Variants in LEFTY2 observed in about 807,000 individuals in gnomAD.
The protein encoded by LEFTY2 is left-right determination factor 2, also known as TGF-beta-4.
A neutral mutation model predicts 26.4 loss-of-function variants in LEFTY2; 10 were observed. The ratio of observed to expected loss-of-function variants is 0.38; its 90% CI spans 0.23 to 0.64. The LOEUF is 0.64. Among genes scored for constraint, LEFTY2 ranks in the 30% least tolerant of loss-of-function variants. LEFTY2 has a pLI of 0.56. For missense variants in LEFTY2, 407 were observed against 502.1 expected, an observed-to-expected ratio of 0.81 and a Z score of 1.81; for synonymous variants, 204 against 234.1, an observed-to-expected ratio of 0.87 and a Z score of 1.17.
chr1:225,940,932 C>T lies in LEFTY2; in HGVS notation c.209G>A (p.Gly70Glu), dbSNP rs753274618. 11 of 1,613,510 alleles carry T rather than the reference C, an allele frequency of 6.8e-6. No homozygotes were observed. The Admixed American group carries it at 1.7e-4, about 24-fold the overall frequency. Reference protein sequence around the residue: ...QYVVLLRRSHGDRSRGKRFSQ... With the variant: ...QYVVLLRRSHEDRSRGKRFSQ... ...GAACCTCTTTCCGCGGGAGCGGTCCCCGTGGCTGCGCCGCAGCAGGACTAC... is the reference window on the plus strand; with the variant it reads ...GAACCTCTTTCCGCGGGAGCGGTCCTCGTGGCTGCGCCGCAGCAGGACTAC... The change falls in exon 1 of 4, where the codon GGG (glycine) becomes GAG (glutamate). Residue 70 changes from glycine (G) to glutamate (E), a missense_variant. Transcript: ENST00000366820.
intron 1 of LEFTY2, chr1:225,940,249 C>T: frequency 1.6e-6 from 1 of 643,790 alleles, no homozygotes; most frequent in Non-Finnish European, 2.7e-6. Context: ...GAGCAGAATC[C>T]TCACCCAGGT....
Position 225,939,929 on chromosome 1 carries a change from C to T in LEFTY2, c.324G>A (p.Pro108=), listed in dbSNP as rs199979438. 5,451 of 1,586,846 alleles carry T rather than the reference C, an allele frequency of 3.4e-3. 17 individuals are homozygous for T. Among genetic ancestry groups the T allele is most frequent in the Middle Eastern group, 4.3e-3 (19 of 4,418 alleles). Residue 108 remains proline, a synonymous_variant, in exon 2 of 4, where the codon CCG becomes CCA. Coordinates refer to ENST00000366820, the MANE Select transcript of LEFTY2 (RefSeq NM_003240.5). This position sits in a 1 kb window ranked among gnomAD's most constrained non-coding sequence, Gnocchi z 4.1. The part of the protein sequence containing the change: ...LLVFGMEQRL[P]PNSELVQAVL... Reference sequence around the variant, plus strand: ...CGGCCTGCACCAGCTCGCTGTTGGGCGGCAGCCGCTGCTCCATGCCGAACA... The same window carrying T: ...CGGCCTGCACCAGCTCGCTGTTGGGTGGCAGCCGCTGCTCCATGCCGAACA...
At chr1:225,938,356 A>G (rs1338105950) in intron 3 of LEFTY2, among the ~76,000 whole-genome samples, 1 of 152,258 alleles carries the variant, frequency 6.6e-6, no homozygotes, top group Non-Finnish European at 1.5e-5. Flanking sequence ...GGAGAAGGGT[A>G]AAGTGAAAGT....
At chr1:225,937,846 G>A (rs1248622925) in intron 3 of LEFTY2, 42 bp from the exon 4 acceptor site, 20 of 1,593,496 alleles carry the variant, frequency 1.3e-5, no homozygotes, top group East Asian at 4.5e-5. Flanking sequence ...CATCTGGGAG[G>A]CTGAAGTCAG....
Position 225,939,469 on chromosome 1 carries a change from G to A in LEFTY2, c.629C>T (p.Pro210Leu). The A allele has an allele frequency of 6.2e-7, 1 of 1,610,674 alleles. No homozygotes were observed. The highest frequency in any genetic ancestry group is 2.2e-5 in the East Asian group (1 of 44,834). The change falls in exon 3 of 4, where the codon CCG becomes CTG. Residue 210 changes from proline to leucine, a missense_variant. By Grantham distance (98) the Pro-to-Leu change is moderately conservative. Coordinates refer to ENST00000366820, the MANE Select transcript of LEFTY2 (RefSeq NM_003240.5). The surrounding 1 kb of genome is among the most constrained non-coding windows in gnomAD (Gnocchi z 4.1). The part of the protein sequence containing the change: ...QVSVQREHLG[P>L]LASGAHKLVR... The stretch of plus-strand genomic sequence containing the variant: ...CAGCTTGTGGGCGCCGGACGCCAGC[G>A]GGCCCAGATGCTCCCTCTGCACCGA...
rs1346222052 is a variant in LEFTY2 at position 225,939,025 on chromosome 1, C to A, written c.737+336G>T. The stretch of plus-strand genomic sequence containing the variant: ...TAGCTGGGATTACAGGCACGCGCCA[C>A]CACGCCCGGCTAATTTTTGTATTTT... On this transcript the variant is annotated intron_variant, in intron 3 of 3. Transcript: ENST00000366820. The surrounding 1 kb of genome is among the most constrained non-coding windows in gnomAD (Gnocchi z 4.1). 6.6e-6 allele frequency among the ~76,000 whole-genome samples: 1 copy of A among 151,930 alleles called. No homozygotes were observed. Among genetic ancestry groups the A allele is most frequent in the Non-Finnish European group, 1.5e-5 (1 of 67,978 alleles).
In LEFTY2 at chr1:225,941,020, G is replaced by C. The variant is rs756179691; in HGVS notation, c.121C>G (p.Pro41Ala). 1 of 1,612,958 alleles carries C rather than the reference G, an allele frequency of 6.2e-7. No individual in the cohort carries two copies. The highest frequency in any genetic ancestry group is 2.2e-5 in the East Asian group (1 of 44,866). The change falls in exon 1 of 4, where the codon CCC (proline) becomes GCC (alanine). Residue 41 changes from proline (P) to alanine (A), a missense_variant. Physicochemically the swap from Pro to Ala is conservative, Grantham distance 27. Transcript: ENST00000366820. Reference protein sequence around the residue: ...LLRQLQLSEVPVLDRADMEKL... With the variant: ...LLRQLQLSEVAVLDRADMEKL... The stretch of plus-strand genomic sequence containing the variant: ...TCCATGTCGGCCCTGTCCAGTACGG[G>C]CACCTCGCTGAGCTGCAGCTGCCGC...
At chr1:225,937,914 A>C in intron 3 of LEFTY2, 110 bp from the exon 4 acceptor site, 8 of 1,377,888 alleles carry the variant, frequency 5.8e-6, no homozygotes, top group Non-Finnish European at 7.8e-6. Flanking sequence ...TCCAGCTCTC[A>C]CTATGTTCTA....
rs1672316540 is a variant in LEFTY2 at position 225,941,065 on chromosome 1, G to C, written c.76C>G (p.Gln26Glu). The change falls in exon 1 of 4, where the codon CAG becomes GAG. Residue 26 changes from glutamine to glutamate, a missense_variant. By Grantham distance (29) the Gln-to-Glu change is conservative (BLOSUM62 2). Coordinates refer to ENST00000366820, the MANE Select transcript of LEFTY2 (RefSeq NM_003240.5). ...TGCCGCAGCAGGCTGCCCAGGAGCT[G>C]CTCCTCGGTCAGGGCCGCCCCGGGG... ...AGPGAALTEE[Q>E]LLGSLLRQLQ... The C allele has an allele frequency of 5.6e-6, 9 of 1,608,518 alleles. No homozygotes were observed. The highest frequency in any genetic ancestry group is 1.3e-5 in the African/African-American group (1 of 74,952).
intron 1 of LEFTY2, among the ~76,000 whole-genome samples, chr1:225,940,466 C>T (rs928718964): frequency 1.3e-5 from 2 of 152,232 alleles, no homozygotes; most frequent in Non-Finnish European, 2.9e-5. Flanking sequence ...TAGTCATACC[C>T]CTGTTCCAGA....
Position 225,937,593 on chromosome 1 carries a change from T to C in LEFTY2, c.949A>G (p.Ile317Val), listed in dbSNP as rs1481012616. 5 of 1,614,000 alleles carry C rather than the reference T, an allele frequency of 3.1e-6. No individual in the cohort carries two copies. Among genetic ancestry groups the C allele is most frequent in the African/African-American group, 1.3e-5 (1 of 74,922 alleles). Residue 317 changes from isoleucine to valine, a missense_variant, in exon 4 of 4, where the codon ATC becomes GTC. Physicochemically the swap from Ile to Val is conservative, Grantham distance 29 (BLOSUM62 3). Transcript: ENST00000366820. The part of the protein sequence containing the change: ...NWPFLGPRQC[I>V]ASETASLPMI... The stretch of plus-strand genomic sequence containing the variant: ...GGCAGCGAGGCAGTCTCCGAGGCGA[T>C]ACACTGTCGCGGCCCCAGAAATGGC...
At chr1:225,940,478 G>A (rs1672293993) in intron 1 of LEFTY2, among the ~76,000 whole-genome samples, 1 of 152,244 alleles carries the variant, frequency 6.6e-6, no homozygotes, top group Non-Finnish European at 1.5e-5. Flanking sequence ...TGTTCCAGAT[G>A]AGCACATGGT....
At chr1:225,940,400 C>G (rs957841098) in intron 1 of LEFTY2, among the ~76,000 whole-genome samples, 1 of 152,262 alleles carries the variant, frequency 6.6e-6, no homozygotes, top group Non-Finnish European at 1.5e-5. Flanking sequence ...TCCAAACACG[C>G]TTCTATCCAC....
In LEFTY2 at chr1:225,939,613, A is replaced by G. The variant is rs1672253161; in HGVS notation, c.498-13T>C. The G allele has an allele frequency of 6.2e-7, 1 of 1,612,496 alleles. No individual in the cohort carries two copies. On this transcript the variant is annotated splice_polypyrimidine_tract_variant and intron_variant, in intron 2 of 3. Transcript: ENST00000366820. The surrounding 1 kb of genome is among the most constrained non-coding windows in gnomAD (Gnocchi z 4.1). ...GACGGACACCAGCCTGAGACATGAT[A>G]CACACGACACGGAGACCCAGCGCCG...
rs985671828 is a variant in LEFTY2, at chr1:225,939,965, T to G, written c.288A>C (p.Thr96=). The change falls in exon 2 of 4, where the codon ACA becomes ACC. Residue 96 remains threonine (T), a synonymous_variant. Transcript: ENST00000366820. The surrounding 1 kb of genome is among the most constrained non-coding windows in gnomAD (Gnocchi z 4.1). ...GCTCCATGCCGAACACCAGCAGGTG[T>G]GTGCTGGCCTCCGACGCCAGGAACC... ...AGRFLASEAS[T]HLLVFGMEQR... 1 of 1,595,220 alleles carries G rather than the reference T, an allele frequency of 6.3e-7. No homozygotes were observed. The highest frequency in any genetic ancestry group is 8.5e-7 in the Non-Finnish European group (1 of 1,179,504).
chr1:225,937,702 G>T lies in LEFTY2; in HGVS notation c.840C>A (p.Asn280Lys), dbSNP rs1182853220. 9 of 1,613,338 alleles carry T rather than the reference G, an allele frequency of 5.6e-6. No individual in the cohort carries two copies. The highest frequency in any genetic ancestry group is 7.6e-6 in the Non-Finnish European group (9 of 1,179,448). ...GGAAGCCCGGGGGCTCCAGCACCCA[G>T]TTCTTGGCCCACTTCATCCCCTGCA... The part of the protein sequence containing the change: ...IDLQGMKWAK[N>K]WVLEPPGFLA... Residue 280 changes from asparagine to lysine, a missense_variant, in exon 4 of 4, where the codon AAC becomes AAA. By Grantham distance (94) the Asn-to-Lys change is moderately conservative (BLOSUM62 0). Transcript: ENST00000366820.
intron 3 of LEFTY2, among the ~76,000 whole-genome samples, chr1:225,938,866 CTT>C (rs34986398): frequency 0.2 from 22,408 of 112,834 alleles, 1,870 homozygotes; most frequent in East Asian, 0.43. Flanking sequence ...TCTTTGTTTC[CTT>C]TTTTTTTTTT....
In LEFTY2 at chr1:225,939,303, C is replaced by G; in HGVS notation, c.737+58G>C. 1 of 1,609,974 alleles carries G rather than the reference C, an allele frequency of 6.2e-7. No homozygotes were observed. The highest frequency in any genetic ancestry group is 8.5e-7 in the Non-Finnish European group (1 of 1,178,466). On this transcript the variant is annotated intron_variant, in intron 3 of 3. Transcript: ENST00000366820. The surrounding 1 kb of genome is among the most constrained non-coding windows in gnomAD (Gnocchi z 4.1). Reference sequence around the variant, plus strand: ...CCGGTCCCCCAGACAGTCCTGGGGACGGGGGTCTGGACCACTCAGTGGCTG... The same window carrying G: ...CCGGTCCCCCAGACAGTCCTGGGGAGGGGGGTCTGGACCACTCAGTGGCTG...
Position 225,937,257 on chromosome 1 carries a change from C to T in LEFTY2, c.*184G>A. ...CTCAGCATCTGAGCTGCATTATTTA[C>T]TCACGTAAGTGCTTAGGATGGGTGA... is the stretch of plus-strand genomic sequence containing the variant. On this transcript the variant is annotated 3_prime_UTR_variant, in exon 4 of 4. Transcript: ENST00000366820. 1 of 841,778 alleles carries T rather than the reference C, an allele frequency of 1.2e-6. No individual in the cohort carries two copies. The highest frequency in any genetic ancestry group is 1.6e-5 in the South Asian group (1 of 61,796). 52.1% of individuals were successfully genotyped at this position (841,778 alleles called of 1,614,324 possible).
Sources: allele counts gnomAD v4.1 joint callset (sites outside exome capture counted in the v4.1 genomes callset), GRCh38; gene constraint gnomAD v4.1.1; non-coding constraint Gnocchi (gnomAD v3.1); transcripts MANE v1.5; gene names NCBI Gene and HGNC (gene_info 2026-07-23, HGNC 2026-07-21).